SLC7A7: variants seen among roughly 807,000 people sequenced by gnomAD.
SLC7A7 encodes Y+L amino acid transporter 1.
A neutral mutation model predicts 47.9 loss-of-function variants in SLC7A7; 39 were observed. The ratio of observed to expected loss-of-function variants is 0.81; its 90% confidence interval spans 0.63 to 1.06. The LOEUF (loss-of-function observed/expected upper bound fraction) is 1.06. Ranked by LOEUF, SLC7A7 falls within the 50% of genes least tolerant of loss-of-function variation. The pLI is 0.00. For synonymous variants in SLC7A7, 234 were observed against 242.8 expected, an observed-to-expected ratio of 0.96 and a Z score of 0.34; for missense variants, 588 against 632.0, an observed-to-expected ratio of 0.93 and a Z score of 0.75.
rs386833807 is a variant in SLC7A7, at chr14:22,773,960, G to C, written c.1402C>G (p.Arg468Gly). 1.2e-6 allele frequency: 2 copies of C among 1,614,040 alleles called. No individual in the cohort carries two copies. Among genetic ancestry groups the C allele is most frequent in the African/African-American group, 2.7e-5 (2 of 74,940 alleles). Residue 468 changes from arginine to glycine, a missense_variant, in exon 9 of 10, where the codon CGA becomes GGA. Physicochemically the swap from Arg to Gly is moderately radical, Grantham distance 125. Coordinates refer to ENST00000674313, the MANE Select transcript of SLC7A7 (RefSeq NM_003982.4). The stretch of plus-strand genomic sequence containing the variant: ...ACGATCCTTCGGAGGTAAAGCGGTC[G>C]CTTATGTTCTGGCACTCTGATGATG... ...FLIIRVPEHKRPLYLRRIVGS... is the reference protein window; with the variant it reads ...FLIIRVPEHKGPLYLRRIVGS...
At chr14:22,799,419 G>A (rs2039070902) in intron 2 of SLC7A7, among the ~76,000 whole-genome samples, 1 of 121,562 alleles carries the variant, frequency 8.2e-6, no homozygotes, top group Admixed American at 8.0e-5. Context: ...CTGTTCCTGT[G>A]GTTTCTTTTT....
chr14:22,778,231 C>T (rs953837802), intron 4 of SLC7A7, among the ~76,000 whole-genome samples: 2 of 152,206 alleles, frequency 1.3e-5, no homozygotes, highest in Non-Finnish European at 2.9e-5. Context: ...GGGCAACTCC[C>T]TCAAGGTTAG....
chr14:22,788,705 GA>G (rs199558705), intron 2 of SLC7A7, among the ~76,000 whole-genome samples: 15,536 of 118,674 alleles, frequency 0.13, 1,162 homozygotes, highest in African/African-American at 0.25. Flanking sequence ...CTCTGTCTGG[GA>G]AAAAAAAAAA....
intron 2 of SLC7A7, among the ~76,000 whole-genome samples, chr14:22,802,228 C>A (rs7151696): frequency 2.0e-5 from 3 of 151,860 alleles, no homozygotes; most frequent in Non-Finnish European, 4.4e-5. Context: ...CATGGTGAAA[C>A]CCCATCTGTA....
At chr14:22,774,323 G>T in intron 8 of SLC7A7, 31 bp downstream of exon 8, 1 of 1,613,798 alleles carries the variant, frequency 6.2e-7, no homozygotes, top group South Asian at 1.1e-5. Flanking sequence ...GCTGTTTCAG[G>T]TGGAGCAGAG....
At chr14:22,818,120 G>A (rs1002160858), upstream of SLC7A7, among the ~76,000 whole-genome samples, 3 of 152,106 alleles carry the variant, frequency 2.0e-5, no homozygotes, top group Non-Finnish European at 4.4e-5. Context: ...TGACGTAAAA[G>A]AAAGGAAGGA....
intron 4 of SLC7A7, among the ~76,000 whole-genome samples, chr14:22,777,426 G>A (rs996752180): frequency 6.6e-6 from 1 of 152,170 alleles, no homozygotes. Context: ...CAGCCTGGAA[G>A]ATATGTCTGC....
chr14:22,783,115 G>A (rs953311767), intron 2 of SLC7A7, among the ~76,000 whole-genome samples: 5 of 151,842 alleles, frequency 3.3e-5, no homozygotes, highest in Middle Eastern at 3.2e-3. Flanking sequence ...TGTATTTTTA[G>A]TAGAGACAGG....
At chr14:22,808,203 T>C (rs1435046233) in intron 2 of SLC7A7, among the ~76,000 whole-genome samples, 7 of 151,880 alleles carry the variant, frequency 4.6e-5, no homozygotes, top group Non-Finnish European at 4.4e-5. Flanking sequence ...GCTCTTATGG[T>C]GCCTCTATCA....
chr14:22,806,631 T>C (rs1302482656), intron 2 of SLC7A7, among the ~76,000 whole-genome samples: 1 of 151,992 alleles, frequency 6.6e-6, no homozygotes, highest in Non-Finnish European at 1.5e-5. Flanking sequence ...TCTGAGAGCT[T>C]CCATATTCCC....
chr14:22,784,955 C>T (rs1017751446), intron 2 of SLC7A7, among the ~76,000 whole-genome samples: 29 of 152,172 alleles, frequency 1.9e-4, no homozygotes, highest in African/African-American at 6.3e-4. Context: ...CAGGCGTGAA[C>T]CACCATGCCC....
chr14:22,783,548 T>C (rs540821878), intron 2 of SLC7A7, among the ~76,000 whole-genome samples: 2 of 151,756 alleles, frequency 1.3e-5, no homozygotes, highest in Admixed American at 1.3e-4. Context: ...TTACAGACAT[T>C]CAACACCATG....
chr14:22,777,821 C>T (rs1323288977), intron 4 of SLC7A7, among the ~76,000 whole-genome samples: 3 of 152,230 alleles, frequency 2.0e-5, no homozygotes, highest in African/African-American at 4.8e-5. Context: ...TGCCTGTAAT[C>T]CCAGCACTTT....
At chr14:22,789,361 G>A (rs2038882161) in intron 2 of SLC7A7, among the ~76,000 whole-genome samples, 1 of 152,160 alleles carries the variant, frequency 6.6e-6, no homozygotes, top group South Asian at 2.1e-4. Context: ...GCTCATGCCT[G>A]TAATCCCAGC....
rs185273304 is a variant in SLC7A7 at position 22,811,070 on chromosome 14, C to T, written c.499+1830G>A. 1.6e-3 allele frequency among the ~76,000 whole-genome samples: 237 copies of T among 152,252 alleles called. 4 individuals are homozygous for T. The highest frequency in any genetic ancestry group is 6.8e-3 in the Middle Eastern group (2 of 292). ...GACTGTTGCCATGTATGACAAACAT[C>T]CCATATGCAGAGATGAGTCCAGGCC... On this transcript the variant is annotated intron_variant, in intron 2 of 9. Transcript: ENST00000674313.
At chr14:22,797,576 C>T (rs1410895715) in intron 2 of SLC7A7, among the ~76,000 whole-genome samples, 3 of 152,094 alleles carry the variant, frequency 2.0e-5, no homozygotes, top group East Asian at 3.8e-4. Context: ...CCTATCTACC[C>T]ACACGTCACT....
chr14:22,805,635 G>A (rs1033851769), intron 2 of SLC7A7, among the ~76,000 whole-genome samples: 5 of 152,120 alleles, frequency 3.3e-5, no homozygotes, highest in Admixed American at 6.6e-5. Context: ...GGTAGAGGGA[G>A]GGCATCAGGA....
At chr14:22,794,639 G>T (rs1293844717) in intron 2 of SLC7A7, among the ~76,000 whole-genome samples, 2 of 152,136 alleles carry the variant, frequency 1.3e-5, no homozygotes, top group Non-Finnish European at 2.9e-5. Context: ...CTAATCTGAG[G>T]ATCTGCTTCT....
At chr14:22,801,760 C>T (rs1002914108) in intron 2 of SLC7A7, among the ~76,000 whole-genome samples, 1 of 152,050 alleles carries the variant, frequency 6.6e-6, no homozygotes, top group Admixed American at 6.6e-5. Flanking sequence ...GGTGACAGAG[C>T]GAGACTCCGT....
Sources: gnomAD v4.1 joint callset for allele counts (sites outside exome capture counted in the v4.1 genomes callset) on GRCh38, gnomAD v4.1.1 for gene constraint, MANE v1.5 for transcripts, NCBI Gene and HGNC (gene_info 2026-07-23, HGNC 2026-07-21) for gene names.